Variants in RNF125 observed in about 807,000 individuals in gnomAD.
The protein encoded by RNF125 is ring finger protein 125.
In RNF125, 21 loss-of-function variants were observed where a neutral mutation model predicts 26.0. That is an observed-to-expected ratio of 0.81 (90% confidence interval 0.57 to 1.16). RNF125 has a LOEUF of 1.16. Among genes scored for constraint, RNF125 ranks in the 50% most tolerant of loss-of-function variants. The probability of loss-of-function intolerance (pLI) is 0.00; values close to 1 mark genes in which losing one functional copy is unlikely to be tolerated. For missense variants in RNF125, 270 were observed against 299.4 expected, an observed-to-expected ratio of 0.90 and a Z score of 0.72; for synonymous variants, 95 against 109.2, an observed-to-expected ratio of 0.87 and a Z score of 0.81.
At chr18:32,084,855 A>G in the RNF125 span, among the ~76,000 whole-genome samples, 1 of 152,240 alleles carries the variant, frequency 6.6e-6, no homozygotes, top group African/African-American at 2.4e-5. Flanking sequence ...ATGAAATTAA[A>G]TGTCATGAAA....
chr18:32,057,182 C>T (rs2039393549), intron 4 of RNF125, among the ~76,000 whole-genome samples: 1 of 152,162 alleles, frequency 6.6e-6, no homozygotes, highest in Admixed American at 6.5e-5. Flanking sequence ...GAACACAGCA[C>T]TCCAAGAATG....
At position 32,068,645 on chromosome 18, in the gene RNF125, G is replaced by A. The variant is rs2144520335; in HGVS notation, c.*261G>A. Reference sequence around the variant, plus strand: ...AGTCATTGTTACATGGAAAAGACAGGTGGTAGGCAAGTAGGTGGAGGATCT... The same window carrying A: ...AGTCATTGTTACATGGAAAAGACAGATGGTAGGCAAGTAGGTGGAGGATCT... On this transcript the variant is annotated 3_prime_UTR_variant, in exon 6 of 6. Transcript: ENST00000217740. 1 of 332,102 alleles carries A rather than the reference G, an allele frequency of 3.0e-6. No homozygotes were observed. The highest frequency in any genetic ancestry group is 2.1e-5 in the African/African-American group (1 of 46,534). The allele number at this position is 332,102 out of a possible 1,614,324, so 20.6% of individuals were successfully genotyped here.
intron 1 of RNF125, among the ~76,000 whole-genome samples, chr18:32,020,218 T>C (rs1471015994): frequency 6.6e-6 from 1 of 152,014 alleles, no homozygotes; most frequent in Non-Finnish European, 1.5e-5. Context: ...CGGCTAGTTT[T>C]TGAATTTTGA....
intron 4 of RNF125, among the ~76,000 whole-genome samples, chr18:32,052,963 A>G (rs919917081): frequency 1.3e-5 from 2 of 152,170 alleles, no homozygotes; most frequent in Non-Finnish European, 2.9e-5. Context: ...GAACTTAAGA[A>G]AAGGGTACCA....
At chr18:32,047,681 G>C (rs1297471092) in intron 4 of RNF125, among the ~76,000 whole-genome samples, 2 of 152,156 alleles carry the variant, frequency 1.3e-5, no homozygotes, top group African/African-American at 4.8e-5. Flanking sequence ...ACAAATGTGT[G>C]TGTGTTGTTT....
intron 1 of RNF125, among the ~76,000 whole-genome samples, chr18:32,024,192 CTTTT>C (rs1236240547): frequency 1.4e-5 from 1 of 71,584 alleles, no homozygotes; most frequent in Admixed American, 1.4e-4. Flanking sequence ...TCATGCCATT[CTTTT>C]TTTTTTTTTT....
chr18:32,075,814 G>A, downstream of RNF125: 2 of 626,338 alleles, frequency 3.2e-6, no homozygotes, highest in Admixed American at 2.4e-5. Flanking sequence ...GGCCTCCATT[G>A]TTTTCTTTGT....
intron 1 of RNF125, among the ~76,000 whole-genome samples, chr18:32,024,070 TA>T (rs1411514545): frequency 2.6e-5 from 4 of 152,094 alleles, no homozygotes. Flanking sequence ...TCCAACTTTC[TA>T]TATTCATTTA....
rs1327135323 is a variant in RNF125, at chr18:32,069,545, T to G, written c.*1161T>G. On this transcript the variant is annotated 3_prime_UTR_variant, in exon 6 of 6. Coordinates refer to ENST00000217740, the MANE Select transcript of RNF125 (RefSeq NM_017831.4). ...CAAAATTTATAGCTGAATGCCTTATTATAAGGAAATACTCTTTTAGGACTC... is the reference window on the plus strand; with the variant it reads ...CAAAATTTATAGCTGAATGCCTTATGATAAGGAAATACTCTTTTAGGACTC... 6.6e-6 allele frequency: 1 copy of G among 152,144 alleles called. No homozygotes were observed. The highest frequency in any genetic ancestry group is 2.1e-4 in the South Asian group (1 of 4,834). The allele number at this position is 152,144 out of a possible 1,614,324, so 9.4% of individuals were successfully genotyped here.
chr18:32,051,182 T>C (rs535299198), intron 4 of RNF125, among the ~76,000 whole-genome samples: 4 of 152,272 alleles, frequency 2.6e-5, no homozygotes, highest in African/African-American at 9.6e-5. Context: ...TAATTGCATA[T>C]TCATTTCATG....
intron 4 of RNF125, among the ~76,000 whole-genome samples, chr18:32,064,024 TCA>T (rs1176915743): frequency 1.3e-5 from 2 of 151,148 alleles, no homozygotes; most frequent in African/African-American, 4.9e-5. Flanking sequence ...AGACAGGGTC[TCA>T]CTCTGTCATC....
chr18:32,065,514 G>A (rs1329691026), intron 4 of RNF125, among the ~76,000 whole-genome samples: 3 of 152,002 alleles, frequency 2.0e-5, no homozygotes, highest in Non-Finnish European at 4.4e-5. Flanking sequence ...GGGATTATAG[G>A]TGTGAGCCAC....
chr18:32,065,847 A>G, intron 4 of RNF125, 55 bp from the exon 5 acceptor site: 1 of 1,271,912 alleles, frequency 7.9e-7, no homozygotes, highest in Non-Finnish European at 1.1e-6. Context: ...TTTAATTCTA[A>G]CACTAATAAC....
At chr18:32,078,825 C>T in the RNF125 span, among the ~76,000 whole-genome samples, 1 of 152,072 alleles carries the variant, frequency 6.6e-6, no homozygotes. Flanking sequence ...TGCCCTAGTC[C>T]TTCCATCCCC....
At chr18:32,082,798 A>T in the RNF125 span, among the ~76,000 whole-genome samples, 1 of 152,212 alleles carries the variant, frequency 6.6e-6, no homozygotes, top group Non-Finnish European at 1.5e-5. Flanking sequence ...ACTGTGATTC[A>T]TTGAAACCAA....
At position 32,018,994 on chromosome 18, in the gene RNF125, T is replaced by TA; in HGVS notation, c.132dup (p.His45ThrfsTer44). 6.2e-7 allele frequency: 1 copy of TA among 1,613,548 alleles called. No homozygotes were observed. Among genetic ancestry groups the TA allele is most frequent in the Non-Finnish European group, 8.5e-7 (1 of 1,179,750 alleles). On this transcript the variant is annotated frameshift_variant, in exon 1 of 6. Transcript: ENST00000217740. LOFTEE classifies it high-confidence loss of function. ...GACTGCGCCGTGTGCCTTGAGGTGT[T>TA]ACACCAGCCTGTCCGGACCCGCTGT...
At chr18:32,061,639 C>A (rs956715220) in intron 4 of RNF125, among the ~76,000 whole-genome samples, 2 of 152,186 alleles carry the variant, frequency 1.3e-5, no homozygotes, top group African/African-American at 4.8e-5. Flanking sequence ...CTCCTCCCTG[C>A]TGGCCTGGCT....
the RNF125 span, among the ~76,000 whole-genome samples, chr18:32,079,403 C>T: frequency 6.6e-6 from 1 of 152,216 alleles, no homozygotes; most frequent in Non-Finnish European, 1.5e-5. Flanking sequence ...CACAAACATT[C>T]AGTCCTTAAC....
At position 32,031,486 on chromosome 18, in the gene RNF125, G is replaced by GAAAAAAAAAAAAAAAAA. The variant is rs745809061; in HGVS notation, c.165-5620_165-5604dup. ...CATTGGCATACAACTCAAATTGTGG[G>GAAAAAAAAAAAAAAAAA]AAAAAAAAAAAAAAAAAAAAAAAAA... On this transcript the variant is annotated intron_variant, in intron 1 of 5. Transcript: ENST00000217740. The GAAAAAAAAAAAAAAAAA allele has an allele frequency of 9.5e-5, 2 of 20,956 alleles. 1 individual carries two copies. Among genetic ancestry groups the GAAAAAAAAAAAAAAAAA allele is most frequent in the African/African-American group, 2.3e-4 (2 of 8,818 alleles). The allele number at this position is 20,956 out of a possible 1,614,324, so 1.3% of individuals were successfully genotyped here.
Sources: allele counts gnomAD v4.1 joint callset (sites outside exome capture counted in the v4.1 genomes callset), GRCh38; gene constraint gnomAD v4.1.1; transcripts MANE v1.5; gene names NCBI Gene and HGNC (gene_info 2026-07-23, HGNC 2026-07-21).